Variants in EFHD1 observed in about 807,000 individuals in gnomAD.
The protein encoded by EFHD1 is EF-hand domain-containing protein D1.
A neutral mutation model predicts 17.2 loss-of-function variants in EFHD1; 10 were observed. The ratio of observed to expected loss-of-function variants is 0.58; its 90% CI spans 0.36 to 0.99. The LOEUF (loss-of-function observed/expected upper bound fraction) is 0.99, where lower values mean the gene tolerates loss of function less well. EFHD1 is among the 50% of genes least tolerant of loss of function. The pLI is 0.01. For synonymous variants in EFHD1, 153 were observed against 142.0 expected (o/e 1.08, Z -0.55); for missense variants, 310 against 327.5 (o/e 0.95, Z 0.41).
rs141275277 is a variant in EFHD1 at position 232,661,103 on chromosome 2, G to A, written c.303-1699G>A. Among the ~76,000 whole-genome samples, 612 of 151,950 alleles carry A rather than the reference G, an allele frequency of 4.0e-3. 2 individuals carry two copies. The highest frequency in any genetic ancestry group is 0.013 in the African/African-American group (559 of 41,432). On this transcript the variant is annotated intron_variant, in intron 1 of 3. Transcript: ENST00000264059. ...GCGGAGGTTGCAGTGAGCAGAGATC[G>A]TGCAGCTTCACTCCAGCCTGAGTGA... is the stretch of plus-strand genomic sequence containing the variant.
At chr2:232,643,039 C>T (rs936268257) in intron 1 of EFHD1, among the ~76,000 whole-genome samples, 3 of 152,166 alleles carry the variant, frequency 2.0e-5, no homozygotes, top group African/African-American at 2.4e-5. Context: ...ACTTGGGTTC[C>T]GTCCTCTGCC....
Position 232,652,525 on chromosome 2 carries a change from A to T in EFHD1, c.303-10277A>T, listed in dbSNP as rs142271493. Among the ~76,000 whole-genome samples the T allele has an allele frequency of 1.1e-3, 162 of 152,026 alleles. 4 individuals are homozygous for T. In the East Asian group the frequency reaches 0.024, roughly 23 times the overall value. On this transcript the variant is annotated intron_variant, in intron 1 of 3. Coordinates refer to ENST00000264059, the MANE Select transcript of EFHD1 (RefSeq NM_025202.4). Reference sequence around the variant, plus strand: ...CATCTCTGAAGCGGGGCTACTAATAACCACTTCACAGTACTGCTGTGTTCA... The same window carrying T: ...CATCTCTGAAGCGGGGCTACTAATATCCACTTCACAGTACTGCTGTGTTCA...
intron 2 of EFHD1, among the ~76,000 whole-genome samples, chr2:232,663,459 C>T (rs1296602582): frequency 6.6e-6 from 1 of 151,738 alleles, no homozygotes; most frequent in Non-Finnish European, 1.5e-5. Context: ...GCAACCTCCA[C>T]CTCCTGAGTT....
intron 3 of EFHD1, among the ~76,000 whole-genome samples, chr2:232,677,110 C>T (rs1444451969): frequency 6.6e-6 from 1 of 150,702 alleles, no homozygotes; most frequent in African/African-American, 2.4e-5. Context: ...CAGTGGCTCA[C>T]ATCTGCAATC....
At chr2:232,634,078 C>G in intron 1 of EFHD1, 72 bp downstream of exon 1, 1 of 1,571,418 alleles carries the variant, frequency 6.4e-7, no homozygotes, top group Non-Finnish European at 8.6e-7. Context: ...GTCCGAAGTC[C>G]CGGGCCCTGT....
intron 1 of EFHD1, among the ~76,000 whole-genome samples, chr2:232,656,707 G>A (rs1694768402): frequency 6.6e-6 from 1 of 152,136 alleles, no homozygotes; most frequent in Non-Finnish European, 1.5e-5. Flanking sequence ...AAAGTGCTGG[G>A]ATTGGAGGCA....
rs1694498047 is a variant in EFHD1 at position 232,644,830 on chromosome 2, C to T, written c.302+10824C>T. Among the ~76,000 whole-genome samples the T allele has an allele frequency of 2.9e-5, 4 of 136,514 alleles. 1 individual carries two copies. The allele number at this position is 136,514 out of a possible 152,430, so 89.6% of individuals were successfully genotyped here. On this transcript the variant is annotated intron_variant, in intron 1 of 3. Coordinates refer to ENST00000264059, the MANE Select transcript of EFHD1 (RefSeq NM_025202.4). The stretch of plus-strand genomic sequence containing the variant: ...TTTTTTTTTTAATTTTTAGTGGAGA[C>T]GGGGTTTCTCCATGTTGGTCAGGCT...
chr2:232,607,888 G>C (rs950561185), intron 1 of EFHD1, among the ~76,000 whole-genome samples: 4 of 151,126 alleles, frequency 2.6e-5, no homozygotes, highest in Non-Finnish European at 5.9e-5. Flanking sequence ...GAGTCCAGGA[G>C]TTCTAGACCA....
intron 1 of EFHD1, among the ~76,000 whole-genome samples, chr2:232,645,802 A>G (rs1574716530): frequency 1.3e-5 from 2 of 152,358 alleles, no homozygotes; most frequent in East Asian, 3.9e-4. Flanking sequence ...AAACTGAGGC[A>G]CAGAGAAGCC....
intron 1 of EFHD1, among the ~76,000 whole-genome samples, chr2:232,622,273 G>A (rs922736671): frequency 6.6e-6 from 1 of 152,186 alleles, no homozygotes; most frequent in Non-Finnish European, 1.5e-5. Context: ...TTCGAGACCA[G>A]CCTGGCCAAC....
intron 2 of EFHD1, 66 bp from the exon 3 acceptor site, chr2:232,672,243 C>T: frequency 1.2e-6 from 2 of 1,607,496 alleles, no homozygotes; most frequent in Non-Finnish European, 1.7e-6. Flanking sequence ...TCAGCTTGGA[C>T]CAGAGGGCTG....
At chr2:232,638,351 A>C in intron 1 of EFHD1, 1 of 471,108 alleles carries the variant, frequency 2.1e-6, no homozygotes, top group South Asian at 1.5e-5. Context: ...TAATTCCCCA[A>C]AGAGAGGGTG....
chr2:232,633,448 G>A, upstream of EFHD1: 2 of 1,220,532 alleles, frequency 1.6e-6, no homozygotes, highest in Non-Finnish European at 2.0e-6. Flanking sequence ...CGGGGTCTCC[G>A]GGACGCGCAG....
chr2:232,644,942 A>ATTTTTTTT (rs752790323), intron 1 of EFHD1, among the ~76,000 whole-genome samples: 1 of 114,384 alleles, frequency 8.7e-6, no homozygotes, highest in African/African-American at 3.4e-5. Context: ...ATGCCTGGCA[A>ATTTTTTTT]TTTTTTTTTT....
At chr2:232,615,684 CT>C (rs34266488) in intron 1 of EFHD1, among the ~76,000 whole-genome samples, 25,796 of 108,496 alleles carry the variant, frequency 0.24, 1,592 homozygotes, top group East Asian at 0.46. Flanking sequence ...TTTTCTTTTC[CT>C]TTTTTTTTTT....
intron 3 of EFHD1, among the ~76,000 whole-genome samples, chr2:232,674,333 C>T (rs762964338): frequency 1.3e-5 from 2 of 152,238 alleles, no homozygotes; most frequent in Admixed American, 6.5e-5. Flanking sequence ...CACATTTGCA[C>T]ACTCTGCAGC....
At position 232,672,354 on chromosome 2, in the gene EFHD1, G is replaced by A. The variant is rs1695088809; in HGVS notation, c.496G>A (p.Asp166Asn). Residue 166 changes from aspartate (D) to asparagine (N), a missense_variant, in exon 3 of 4, where the codon GAC becomes AAC. Asp to Asn is a conservative substitution (Grantham distance 23). Coordinates refer to ENST00000264059, the MANE Select transcript of EFHD1 (RefSeq NM_025202.4). ...HKAAAGELQE[D>N]SGLMALAKLS... ...GGCCGCGGCAGGGGAGCTGCAGGAG[G>A]ACAGTGGGCTGATGGCGCTGGCAAA... The A allele has an allele frequency of 1.2e-6, 2 of 1,614,186 alleles. No homozygotes were observed. Among genetic ancestry groups the A allele is most frequent in the Non-Finnish European group, 1.7e-6 (2 of 1,180,042 alleles).
chr2:232,614,891 G>A (rs1029984415), intron 1 of EFHD1, among the ~76,000 whole-genome samples: 18 of 152,130 alleles, frequency 1.2e-4, no homozygotes, highest in Non-Finnish European at 2.4e-4. Flanking sequence ...CAGGAGGATC[G>A]CTTGAGCCCA....
chr2:232,613,693 TATACACACAC>T (rs1377899590), intron 1 of EFHD1, among the ~76,000 whole-genome samples: 1 of 130,620 alleles, frequency 7.7e-6, no homozygotes, highest in Non-Finnish European at 1.7e-5. Context: ...CATACACAAA[TATACACACAC>T]ATACACACAC....
Sources: allele counts gnomAD v4.1 joint callset (sites outside exome capture counted in the v4.1 genomes callset), GRCh38; gene constraint gnomAD v4.1.1; transcripts MANE v1.5; gene names NCBI Gene and HGNC (gene_info 2026-07-23, HGNC 2026-07-21).